The following ERG variants were observed in gnomAD, a reference collection of about 807,000 sequenced individuals.
ERG encodes the protein transcriptional regulator ERG.
Under a neutral mutation model 55.3 loss-of-function variants are expected in ERG, and 9 were observed. That is an observed-to-expected ratio of 0.16 (90% CI 0.10 to 0.28). The LOEUF is 0.28. Among genes scored for constraint, ERG ranks in the 10% least tolerant of loss-of-function variants. The pLI is 1.00. For synonymous variants in ERG, 223 were observed against 237.3 expected (o/e 0.94, Z 0.55); for missense variants, 434 against 631.6 (o/e 0.69, Z 3.35).
chr21:38,560,118 G>A lies in ERG; in HGVS notation c.-41+15544C>T, dbSNP rs1460787376. Among the ~76,000 whole-genome samples, 3 of 152,186 alleles carry A rather than the reference G, an allele frequency of 2.0e-5. 1 individual carries two copies. In the East Asian group the frequency reaches 5.8e-4, roughly 29 times the overall value. On this transcript the variant is annotated intron_variant, in intron 2 of 8. Coordinates refer to the ERG transcript ENST00000398897. ...GTCATGAAAATTATACAGATTTTGT[G>A]AGTGAAGGGCATTTAGTTCTGAGCA...
intron 1 of ERG, among the ~76,000 whole-genome samples, chr21:38,614,127 G>T (rs747879656): frequency 1.1e-4 from 16 of 152,276 alleles, no homozygotes; most frequent in Non-Finnish European, 2.1e-4. Flanking sequence ...AAAGCTAAGC[G>T]CTTTGACTCA....
At chr21:38,409,081 G>A (rs1988916129) in intron 3 of ERG, among the ~76,000 whole-genome samples, 1 of 152,110 alleles carries the variant, frequency 6.6e-6, no homozygotes, top group Non-Finnish European at 1.5e-5. Flanking sequence ...TATGCATATG[G>A]CTATATGCAC....
intron 1 of ERG, among the ~76,000 whole-genome samples, chr21:38,653,336 C>T (rs1000293635): frequency 5.3e-5 from 8 of 152,166 alleles, no homozygotes; most frequent in Non-Finnish European, 1.2e-4. Flanking sequence ...TTCCTTTGCA[C>T]GTGCCTTTCC....
At chr21:38,537,620 T>C (rs887740561) in intron 2 of ERG, among the ~76,000 whole-genome samples, 4 of 152,120 alleles carry the variant, frequency 2.6e-5, no homozygotes, top group South Asian at 4.1e-4. Flanking sequence ...AAATCCACAA[T>C]GAAATACTTC....
intron 2 of ERG, among the ~76,000 whole-genome samples, chr21:38,505,051 T>A (rs1190520144): frequency 6.6e-6 from 1 of 152,198 alleles, no homozygotes; most frequent in Non-Finnish European, 1.5e-5. Context: ...TAAAGTTGGC[T>A]TTTAGTTTTC....
chr21:38,396,887 A>G (rs1051139999), intron 6 of ERG, among the ~76,000 whole-genome samples: 29 of 152,258 alleles, frequency 1.9e-4, no homozygotes, highest in African/African-American at 5.1e-4. Flanking sequence ...CGTGAGAAAC[A>G]CGTGAAACAT....
chr21:38,647,296 G>C (rs542884996), intron 1 of ERG, among the ~76,000 whole-genome samples: 1 of 152,086 alleles, frequency 6.6e-6, no homozygotes, highest in Non-Finnish European at 1.5e-5. Context: ...GGTCACGTAC[G>C]GGCATCCACC....
At chr21:38,395,308 C>A (rs1323000773) in intron 6 of ERG, 1 of 228,684 alleles carries the variant, frequency 4.4e-6, no homozygotes, top group Non-Finnish European at 8.7e-6. Context: ...TCTTTGGCAG[C>A]TACACCATCT....
chr21:38,377,534 C>T (rs1028965503), downstream of ERG, among the ~76,000 whole-genome samples: 7 of 152,190 alleles, frequency 4.6e-5, no homozygotes, highest in African/African-American at 1.2e-4. Flanking sequence ...ATATTCTTGC[C>T]GAGTAGAAAA....
chr21:38,476,707 C>G lies in ERG; in HGVS notation c.18+21656G>C, dbSNP rs2226742. 9.2e-5 allele frequency among the ~76,000 whole-genome samples: 14 copies of G among 152,200 alleles called. No individual in the cohort carries two copies. In the South Asian group the frequency reaches 2.3e-3, roughly 25 times the overall value. ...CATTAAAGAGACAGAATCCTTCCCC[C>G]CTCCTTGTAGACTAAACAACCAGAT... On this transcript the variant is annotated intron_variant, in intron 1 of 9. Coordinates refer to ENST00000288319, the MANE Select transcript of ERG (RefSeq NM_182918.4).
At chr21:38,491,192 C>T (rs185159450) in intron 1 of ERG, among the ~76,000 whole-genome samples, 174 of 145,720 alleles carry the variant, frequency 1.2e-3, no homozygotes, top group Non-Finnish European at 1.9e-3. Context: ...GCATCATGTG[C>T]ACACTGTCAA....
At chr21:38,371,343 A>G in the ERG span, among the ~76,000 whole-genome samples, 2 of 152,062 alleles carry the variant, frequency 1.3e-5, no homozygotes, top group Non-Finnish European at 2.9e-5. Flanking sequence ...ATGAATAATA[A>G]TAGATTTGTT....
At chr21:38,651,357 A>G (rs2060487724) in intron 1 of ERG, among the ~76,000 whole-genome samples, 4 of 152,178 alleles carry the variant, frequency 2.6e-5, no homozygotes, top group Non-Finnish European at 5.9e-5. Flanking sequence ...TTAAATTTGA[A>G]TTCCTAAGCT....
intron 2 of ERG, among the ~76,000 whole-genome samples, chr21:38,445,026 AT>A (rs2058877001): frequency 6.6e-6 from 1 of 152,140 alleles, no homozygotes; most frequent in Non-Finnish European, 1.5e-5. Context: ...TTCTTGGTAA[AT>A]ATACTACTAA....
At position 38,403,536 on chromosome 21, in the gene ERG, G is replaced by A; in HGVS notation, c.562C>T (p.Leu188Phe). 1.2e-6 allele frequency: 2 copies of A among 1,614,208 alleles called. No individual in the cohort carries two copies. The highest frequency in any genetic ancestry group is 1.7e-6 in the Non-Finnish European group (2 of 1,180,030). The change falls in exon 4 of 10, where the codon CTT becomes TTT. Residue 188 changes from leucine to phenylalanine, a missense_variant. Coordinates refer to ENST00000288319, the MANE Select transcript of ERG (RefSeq NM_182918.4). ...CTGAGGTAGTGGAGATGTGAGAGAAGGATGTCGGCGTTGTAGCTGGGGGTG... is the reference window on the plus strand; with the variant it reads ...CTGAGGTAGTGGAGATGTGAGAGAAAGATGTCGGCGTTGTAGCTGGGGGTG... ...RLTPSYNADI[L>F]LSHLHYLRET...
At chr21:38,499,179 A>G (rs1489599275), upstream of ERG, among the ~76,000 whole-genome samples, 1 of 152,214 alleles carries the variant, frequency 6.6e-6, no homozygotes. Context: ...ATTAAAACCC[A>G]AATAACTGAA....
chr21:38,522,524 G>C (rs1397888714), intron 2 of ERG, among the ~76,000 whole-genome samples: 1 of 152,100 alleles, frequency 6.6e-6, no homozygotes, highest in African/African-American at 2.4e-5. Flanking sequence ...AAAGCTATTT[G>C]AAAGTCATAA....
intron 2 of ERG, among the ~76,000 whole-genome samples, chr21:38,552,004 T>C (rs1276341115): frequency 6.6e-6 from 1 of 152,190 alleles, no homozygotes; most frequent in Non-Finnish European, 1.5e-5. Flanking sequence ...TAAAACTTGA[T>C]TTATGAATCT....
In ERG at chr21:38,383,079, CTAAAGTTTAT is replaced by C; in HGVS notation, c.*314_*323del. 3 of 1,115,288 alleles carry C rather than the reference CTAAAGTTTAT, an allele frequency of 2.7e-6. No homozygotes were observed. The highest frequency in any genetic ancestry group is 3.3e-6 in the Non-Finnish European group (3 of 913,560). The allele number at this position is 1,115,288 out of a possible 1,614,324, so 69.1% of individuals were successfully genotyped here. ...CATTAGTGGGATTCCAAACTCTACT[CTAAAGTTTAT>C]ACATTTCTTAAGACCACTTTCTTTG... On this transcript the variant is annotated 3_prime_UTR_variant, in exon 10 of 10. Coordinates refer to ENST00000288319, the MANE Select transcript of ERG (RefSeq NM_182918.4). The surrounding 1 kb of genome is among the most constrained non-coding windows in gnomAD (Gnocchi z 5.7).
Sources: allele counts gnomAD v4.1 joint callset (sites outside exome capture counted in the v4.1 genomes callset), GRCh38; gene constraint gnomAD v4.1.1; non-coding constraint Gnocchi (gnomAD v3.1); transcripts MANE v1.5; gene names NCBI Gene and HGNC (gene_info 2026-07-23, HGNC 2026-07-21).